The following PACRG variants were observed in gnomAD, a reference collection of about 807,000 sequenced individuals.
PACRG encodes the protein parkin coregulated, also known as parkin coregulated gene protein.
A neutral mutation model predicts 29.7 loss-of-function variants in PACRG; 29 were observed. The ratio of observed to expected loss-of-function variants is 0.98; its 90% CI spans 0.73 to 1.33. PACRG has a LOEUF of 1.33. Among genes scored for constraint, PACRG ranks in the 40% most tolerant of loss-of-function variants. The pLI is 0.00. For synonymous variants in PACRG, 116 were observed against 118.7 expected (o/e 0.98, Z 0.15); for missense variants, 279 against 316.2 (o/e 0.88, Z 0.89).
intron 2 of PACRG, among the ~76,000 whole-genome samples, chr6:162,854,012 T>G (rs1791149320): frequency 6.6e-6 from 1 of 152,076 alleles, no homozygotes; most frequent in Non-Finnish European, 1.5e-5. Flanking sequence ...TATTCTATGG[T>G]CAACAGTTGA....
chr6:162,768,861 A>G (rs1782994217), intron 1 of PACRG, among the ~76,000 whole-genome samples: 1 of 152,192 alleles, frequency 6.6e-6, no homozygotes, highest in African/African-American at 2.4e-5. Flanking sequence ...TATTTTGGGA[A>G]TTTAAACTCA....
chr6:162,737,961 C>T (rs1780292422), intron 1 of PACRG, among the ~76,000 whole-genome samples: 1 of 152,014 alleles, frequency 6.6e-6, no homozygotes, highest in Non-Finnish European at 1.5e-5. Flanking sequence ...TGTTCTTCTA[C>T]ATTTTGAAAA....
intron 3 of PACRG, among the ~76,000 whole-genome samples, chr6:163,071,530 T>C (rs541200164): frequency 5.9e-5 from 9 of 151,946 alleles, no homozygotes; most frequent in African/African-American, 2.2e-4. Context: ...AAACATGAGA[T>C]ACAGCAAAAA....
intron 1 of PACRG, among the ~76,000 whole-genome samples, chr6:162,735,389 C>T (rs2128252666): frequency 6.6e-6 from 1 of 152,210 alleles, no homozygotes; most frequent in Non-Finnish European, 1.5e-5. Context: ...GTGCTACAGT[C>T]TCACCAATAA....
chr6:163,068,326 A>G (rs1811734278), intron 3 of PACRG, among the ~76,000 whole-genome samples: 1 of 152,290 alleles, frequency 6.6e-6, no homozygotes, highest in South Asian at 2.1e-4. Context: ...CAGGGAGGTC[A>G]TGTCTCTATC....
intron 2 of PACRG, chr6:163,042,970 A>T (rs927745612): frequency 1.3e-5 from 2 of 152,220 alleles, no homozygotes; most frequent in Admixed American, 6.5e-5. Flanking sequence ...AGAAGTTTCC[A>T]GTCTTTTATG....
chr6:162,912,611 AC>A (rs1242073472), intron 2 of PACRG, among the ~76,000 whole-genome samples: 2 of 147,108 alleles, frequency 1.4e-5, no homozygotes, highest in African/African-American at 5.0e-5. Context: ...TTACTCTATC[AC>A]CCAGGCTGGA....
chr6:163,059,404 A>G (rs1810909392), intron 2 of PACRG, among the ~76,000 whole-genome samples: 1 of 152,224 alleles, frequency 6.6e-6, no homozygotes, highest in Admixed American at 6.5e-5. Flanking sequence ...GAGACACTTA[A>G]AATCTAATGT....
intron 4 of PACRG, among the ~76,000 whole-genome samples, chr6:163,222,555 G>A (rs1350729325): frequency 6.6e-6 from 1 of 152,188 alleles, no homozygotes; most frequent in African/African-American, 2.4e-5. Flanking sequence ...ACTGCAGCCT[G>A]GGTGAGAGTG....
At chr6:162,800,354 A>G (rs1785751804) in intron 1 of PACRG, among the ~76,000 whole-genome samples, 1 of 152,212 alleles carries the variant, frequency 6.6e-6, no homozygotes, top group African/African-American at 2.4e-5. Context: ...ATTATTTTAA[A>G]CAAAAATAAT....
intron 4 of PACRG, among the ~76,000 whole-genome samples, chr6:163,259,834 G>A (rs1030471647): frequency 1.3e-5 from 2 of 152,152 alleles, no homozygotes; most frequent in Non-Finnish European, 2.9e-5. Context: ...GACTATAGGA[G>A]ACCTCCCATC....
At chr6:163,150,216 G>A (rs1778022514) in intron 4 of PACRG, among the ~76,000 whole-genome samples, 2 of 152,182 alleles carry the variant, frequency 1.3e-5, no homozygotes, top group Admixed American at 6.5e-5. Flanking sequence ...ATGCAAAGGG[G>A]GAGTGATCAC....
chr6:163,023,225 C>A (rs1806807784), intron 2 of PACRG, among the ~76,000 whole-genome samples: 1 of 152,196 alleles, frequency 6.6e-6, no homozygotes, highest in East Asian at 1.9e-4. Context: ...ACCCACCCCC[C>A]TCCTTCCACC....
At chr6:162,903,497 A>T (rs181334185) in intron 2 of PACRG, among the ~76,000 whole-genome samples, 39 of 152,112 alleles carry the variant, frequency 2.6e-4, no homozygotes, top group South Asian at 1.5e-3. Flanking sequence ...TGAAAGACAC[A>T]TCTTACATGG....
At chr6:162,856,823 A>C (rs915411203) in intron 2 of PACRG, among the ~76,000 whole-genome samples, 3 of 152,196 alleles carry the variant, frequency 2.0e-5, no homozygotes, top group African/African-American at 7.2e-5. Context: ...AAGACACAGC[A>C]CTACTCTGAA....
intron 1 of PACRG, among the ~76,000 whole-genome samples, chr6:162,780,926 A>G (rs1276995151): frequency 6.6e-6 from 1 of 152,072 alleles, no homozygotes; most frequent in Non-Finnish European, 1.5e-5. Context: ...CCTAATATAC[A>G]TGTAATTCAA....
chr6:162,947,480 TA>T (rs1241493110), intron 2 of PACRG, among the ~76,000 whole-genome samples: 19 of 122,986 alleles, frequency 1.5e-4, no homozygotes, highest in Non-Finnish European at 3.1e-4. Flanking sequence ...AATATATATA[TA>T]ATCATATATA....
At position 162,986,424 on chromosome 6, in the gene PACRG, G is replaced by T. The variant is rs1490001803; in HGVS notation, c.292-75726G>T. Among the ~76,000 whole-genome samples the T allele has an allele frequency of 2.0e-5, 3 of 152,096 alleles. No homozygotes were observed. In the East Asian group the frequency reaches 5.8e-4, roughly 29 times the overall value. On this transcript the variant is annotated intron_variant, in intron 2 of 4. Coordinates refer to ENST00000366888, the MANE Select transcript of PACRG (RefSeq NM_001080379.2). ...TAAAGCCAAATACTTACAGCCTACT[G>T]ATCTTAGACAAAGCAAACAAAAACA...
At chr6:162,748,199 C>G (rs1011019241) in intron 1 of PACRG, among the ~76,000 whole-genome samples, 3 of 152,046 alleles carry the variant, frequency 2.0e-5, no homozygotes, top group African/African-American at 7.2e-5. Flanking sequence ...CAAGTCAGAA[C>G]TTGTATTCAG....
Sources: gnomAD v4.1 joint callset for allele counts (sites outside exome capture counted in the v4.1 genomes callset) on GRCh38, gnomAD v4.1.1 for gene constraint, MANE v1.5 for transcripts, NCBI Gene and HGNC (gene_info 2026-07-23, HGNC 2026-07-21) for gene names.